The following ABCA13 variants were observed in gnomAD, a reference collection of about 807,000 sequenced individuals.
ABCA13 encodes the protein ATP binding cassette subfamily A member 13, also known as ATP-binding cassette sub-family A member 13.
A neutral mutation model predicts 478.7 loss-of-function variants in ABCA13; 476 were observed. The observed-to-expected ratio is 0.99, with a 90% CI of 0.92 to 1.07. The LOEUF is 1.07. Ranked by LOEUF, ABCA13 falls within the 50% of genes least tolerant of loss-of-function variation. The pLI, the probability that ABCA13 is intolerant of heterozygous loss-of-function variation, is 0.00. For synonymous variants in ABCA13, 2,252 were observed against 2,158.9 expected, an observed-to-expected ratio of 1.04 and a Z score of -1.20; for missense variants, 6,060 against 5,910.6, an observed-to-expected ratio of 1.03 and a Z score of -0.83.
At chr7:48,253,839 A>G (rs1792953744) in intron 15 of ABCA13, among the ~76,000 whole-genome samples, 1 of 151,904 alleles carries the variant, frequency 6.6e-6, no homozygotes. Context: ...TTATATATTT[A>G]TTGTCTTTGA....
intron 1 of ABCA13, among the ~76,000 whole-genome samples, chr7:48,188,576 G>T (rs954049781): frequency 6.6e-6 from 1 of 151,504 alleles, no homozygotes; most frequent in East Asian, 1.9e-4. Context: ...TTTTTTTTAC[G>T]TTTTGGTAGT....
chr7:48,600,258 G>T (rs1465381235), intron 58 of ABCA13, among the ~76,000 whole-genome samples: 1 of 151,308 alleles, frequency 6.6e-6, no homozygotes, highest in Non-Finnish European at 1.5e-5. Flanking sequence ...GATAATGTTT[G>T]TGTGGTATAT....
chr7:48,548,327 C>T (rs1479983533), intron 55 of ABCA13, among the ~76,000 whole-genome samples: 1 of 151,794 alleles, frequency 6.6e-6, no homozygotes, highest in African/African-American at 2.4e-5. Context: ...AGAAATGTCC[C>T]TAAGCATTTT....
chr7:48,512,369 G>T (rs1259369165), intron 51 of ABCA13, among the ~76,000 whole-genome samples: 1 of 152,046 alleles, frequency 6.6e-6, no homozygotes. Flanking sequence ...AGCCATTATT[G>T]TTACTCTTTA....
At chr7:48,277,927 G>C (rs1796511825) in intron 17 of ABCA13, among the ~76,000 whole-genome samples, 167 bp from the exon 18 acceptor site, 1 of 152,028 alleles carries the variant, frequency 6.6e-6, no homozygotes, top group Admixed American at 6.6e-5. Context: ...ACAAAATATT[G>C]AGTTTCATCT....
At chr7:48,259,533 G>A (rs572513593) in intron 15 of ABCA13, among the ~76,000 whole-genome samples, 4 of 152,002 alleles carry the variant, frequency 2.6e-5, no homozygotes, top group South Asian at 2.1e-4. Flanking sequence ...CACATATGGC[G>A]TCTTACTTCT....
intron 55 of ABCA13, among the ~76,000 whole-genome samples, chr7:48,563,913 A>T (rs1478975131): frequency 1.3e-5 from 2 of 152,004 alleles, no homozygotes; most frequent in African/African-American, 4.8e-5. Context: ...GGTTTCCTCT[A>T]CAAATATAAC....
rs1382341027 is a variant in ABCA13 at position 48,580,168 on chromosome 7, G to C, written c.14355-56G>C. On this transcript the variant is annotated intron_variant, in intron 55 of 61. Transcript: ENST00000435803. ...ATTGATGAGCCACATTTTAAAAATG[G>C]GTTGGTGCCAGTTTGGGAAACTGCT... The C allele has an allele frequency of 2.7e-6, 4 of 1,498,724 alleles. No individual in the cohort carries two copies. The East Asian group carries it at 9.3e-5, about 35-fold the overall frequency. The allele number at this position is 1,498,724 out of a possible 1,614,324, so 92.8% of individuals were successfully genotyped here. A position where few individuals can be genotyped will look rare whatever the true frequency, so the allele number is the denominator to read the frequency against.
In ABCA13 at chr7:48,350,817, C is replaced by A; in HGVS notation, c.10379C>A (p.Ala3460Asp). 1 of 1,612,180 alleles carries A rather than the reference C, an allele frequency of 6.2e-7. No homozygotes were observed. ...CTCTTGCAGCAGAACAGCTTCTTGG[C>A]CAGTAAGTACTCAATGAAAAAATAT... ...HELLQQNSFL[A>D]SIIFSNSLFD... Residue 3460 changes from alanine (A) to aspartate (D), a missense_variant and splice_region_variant, in exon 30 of 62, where the codon GCC becomes GAC. Coordinates refer to ENST00000435803, the MANE Select transcript of ABCA13 (RefSeq NM_152701.5).
At chr7:48,191,075 T>A (rs1465580670) in intron 1 of ABCA13, among the ~76,000 whole-genome samples, 1 of 151,970 alleles carries the variant, frequency 6.6e-6, no homozygotes. Flanking sequence ...TGAGGTATAT[T>A]TTTTATTTTG....
At chr7:48,332,486 TTGAC>T (rs1431870220) in intron 27 of ABCA13, among the ~76,000 whole-genome samples, 2 of 152,228 alleles carry the variant, frequency 1.3e-5, no homozygotes, top group African/African-American at 4.8e-5. Context: ...TATCATCATC[TTGAC>T]TATCAGAAGG....
intron 29 of ABCA13, among the ~76,000 whole-genome samples, chr7:48,344,799 G>C (rs1301418368): frequency 6.6e-6 from 1 of 152,104 alleles, no homozygotes; most frequent in Non-Finnish European, 1.5e-5. Flanking sequence ...ATTTAGGTTG[G>C]GGAGTGTACT....
chr7:48,389,249 C>G, intron 37 of ABCA13, 29 bp downstream of exon 37: 1 of 1,582,764 alleles, frequency 6.3e-7, no homozygotes, highest in African/African-American at 1.4e-5. Context: ...TTATCAAACA[C>G]TGGGCATTTG....
At chr7:48,614,332 TA>T (rs1338375817) in intron 58 of ABCA13, among the ~76,000 whole-genome samples, 1 of 151,392 alleles carries the variant, frequency 6.6e-6, no homozygotes, top group African/African-American at 2.4e-5. Flanking sequence ...CTTCCTGGTA[TA>T]AGAAAATACT....
intron 23 of ABCA13, among the ~76,000 whole-genome samples, chr7:48,302,154 C>A (rs901892260): frequency 6.6e-6 from 1 of 152,168 alleles, no homozygotes; most frequent in Admixed American, 6.5e-5. Context: ...TCTTCCATCA[C>A]ATGATGTTAT....
chr7:48,432,369 G>A (rs1822265004), intron 42 of ABCA13, among the ~76,000 whole-genome samples: 1 of 152,128 alleles, frequency 6.6e-6, no homozygotes, highest in African/African-American at 2.4e-5. Context: ...CATACTGTTG[G>A]TGGGAATGTG....
chr7:48,619,602 C>T (rs536955523), intron 59 of ABCA13, among the ~76,000 whole-genome samples: 1 of 152,296 alleles, frequency 6.6e-6, no homozygotes, highest in Admixed American at 6.5e-5. Context: ...GTGAGTCCGG[C>T]ACATGCCCGG....
chr7:48,644,686 G>C lies in ABCA13; in HGVS notation c.15013G>C (p.Val5005Leu). The change falls in exon 61 of 62, where the codon GTT becomes CTT. Residue 5005 changes from valine (V) to leucine (L), a missense_variant. Coordinates refer to ENST00000435803, the MANE Select transcript of ABCA13 (RefSeq NM_152701.5). Reference sequence around the variant, plus strand: ...GGGATGCCTAGCTGACTTGTTCAAAGTTATAGAGAACAATAAAACCTTCTT... The same window carrying C: ...GGGATGCCTAGCTGACTTGTTCAAACTTATAGAGAACAATAAAACCTTCTT... ...RWGCLADLFK[V>L]IENNKTFLNI... 1 of 1,606,238 alleles carries C rather than the reference G, an allele frequency of 6.2e-7. No homozygotes were observed. Among genetic ancestry groups the C allele is most frequent in the Non-Finnish European group, 8.5e-7 (1 of 1,177,096 alleles).
chr7:48,566,894 T>C (rs975825837), intron 55 of ABCA13, among the ~76,000 whole-genome samples: 9 of 152,206 alleles, frequency 5.9e-5, no homozygotes, highest in Non-Finnish European at 2.9e-5. Flanking sequence ...TACTGACCTC[T>C]ACTGTGGTTT....
Sources: gnomAD v4.1 joint callset for allele counts (sites outside exome capture counted in the v4.1 genomes callset) on GRCh38, gnomAD v4.1.1 for gene constraint, MANE v1.5 for transcripts, NCBI Gene and HGNC (gene_info 2026-07-23, HGNC 2026-07-21) for gene names.